The following ARIH1 variants were observed in gnomAD, a reference collection of about 807,000 sequenced individuals.
ARIH1 encodes E3 ubiquitin-protein ligase ARIH1.
In ARIH1, 8 loss-of-function variants were observed where a neutral mutation model predicts 85.0. That is an observed-to-expected ratio of 0.09 (90% CI 0.06 to 0.17). The LOEUF (loss-of-function observed/expected upper bound fraction) is 0.17. Ranked by LOEUF, ARIH1 falls within the 10% of genes least tolerant of loss-of-function variation. The pLI is 1.00. For synonymous variants in ARIH1, 238 were observed against 253.6 expected (o/e 0.94, Z 0.59); for missense variants, 311 against 718.1 (o/e 0.43, Z 6.48).
At chr15:72,496,137 C>G (rs1595852385) in intron 1 of ARIH1, among the ~76,000 whole-genome samples, 1 of 152,118 alleles carries the variant, frequency 6.6e-6, no homozygotes, top group Non-Finnish European at 1.5e-5. Context: ...CTCCTGGCTT[C>G]AGGCAGTCCT....
chr15:72,543,655 G>A (rs557143194), intron 2 of ARIH1, among the ~76,000 whole-genome samples: 2 of 152,190 alleles, frequency 1.3e-5, no homozygotes, highest in South Asian at 4.1e-4. Context: ...TTGACACAAA[G>A]CCTAAACAAG....
chr15:72,504,213 C>T (rs978328881), intron 1 of ARIH1, among the ~76,000 whole-genome samples: 3 of 152,166 alleles, frequency 2.0e-5, no homozygotes, highest in Non-Finnish European at 4.4e-5. Context: ...CGCCACCATG[C>T]CCCACTAATT....
intron 2 of ARIH1, among the ~76,000 whole-genome samples, chr15:72,538,624 C>T (rs1237687373): frequency 1.3e-5 from 2 of 152,214 alleles, no homozygotes; most frequent in African/African-American, 4.8e-5. Flanking sequence ...CCTCTCTCCT[C>T]AACCAGACAT....
chr15:72,498,582 C>T (rs879590351), intron 1 of ARIH1, among the ~76,000 whole-genome samples: 2 of 152,158 alleles, frequency 1.3e-5, no homozygotes, highest in African/African-American at 2.4e-5. Flanking sequence ...TGGTGGCTCA[C>T]GCCTGTGATC....
chr15:72,498,961 ATTTT>A (rs535261674), intron 1 of ARIH1, among the ~76,000 whole-genome samples: 9 of 88,422 alleles, frequency 1.0e-4, no homozygotes, highest in Non-Finnish European at 1.3e-4. Flanking sequence ...CTTTTCATAA[ATTTT>A]TTTTTTTTTT....
At chr15:72,478,810 T>C (rs116702175) in intron 1 of ARIH1, among the ~76,000 whole-genome samples, 3,656 of 152,238 alleles carry the variant, frequency 0.024, 138 homozygotes, top group African/African-American at 0.084. Context: ...GCAGCAGCTC[T>C]TAGGGGCACA....
At chr15:72,554,342 C>T (rs1272811815) in intron 3 of ARIH1, among the ~76,000 whole-genome samples, 2 of 152,036 alleles carry the variant, frequency 1.3e-5, no homozygotes, top group East Asian at 1.9e-4. Flanking sequence ...CAACAGTGTA[C>T]GAAGGCTCCA....
chr15:72,559,390 C>T (rs2064188348), intron 5 of ARIH1, among the ~76,000 whole-genome samples: 1 of 152,054 alleles, frequency 6.6e-6, no homozygotes, highest in Admixed American at 6.6e-5. Context: ...CTGCCTCAGC[C>T]TCCTGAGTAG....
intron 3 of ARIH1, among the ~76,000 whole-genome samples, chr15:72,549,359 A>G (rs981971660): frequency 6.6e-6 from 1 of 152,132 alleles, no homozygotes. Context: ...AAGTGCTGGG[A>G]TTACAGGAGT....
At chr15:72,524,680 C>G (rs1202461928) in intron 2 of ARIH1, among the ~76,000 whole-genome samples, 1 of 152,184 alleles carries the variant, frequency 6.6e-6, no homozygotes, top group Non-Finnish European at 1.5e-5. Flanking sequence ...TAAGTTCTGT[C>G]TCATAAACGT....
At chr15:72,555,701 C>T in intron 4 of ARIH1, 151 bp from the exon 5 acceptor site, 1 of 692,806 alleles carries the variant, frequency 1.4e-6, no homozygotes, top group Non-Finnish European at 2.5e-6. Context: ...GATAAACATA[C>T]TCTCACACAC....
At chr15:72,533,387 G>A (rs998507789) in intron 2 of ARIH1, among the ~76,000 whole-genome samples, 2 of 152,222 alleles carry the variant, frequency 1.3e-5, no homozygotes, top group Non-Finnish European at 2.9e-5. Flanking sequence ...GTCTTCAGAA[G>A]TGCTGGGATT....
chr15:72,553,655 C>T (rs1234844276), intron 3 of ARIH1, among the ~76,000 whole-genome samples: 1 of 152,168 alleles, frequency 6.6e-6, no homozygotes, highest in Non-Finnish European at 1.5e-5. Context: ...TACGGTGGCT[C>T]ACGCCTGTAA....
rs141264212 is a variant in ARIH1 at position 72,502,821 on chromosome 15, A to T, written c.376-15246A>T. Among the ~76,000 whole-genome samples, 564 of 152,028 alleles carry T rather than the reference A, an allele frequency of 3.7e-3. 4 individuals are homozygous for T. The Middle Eastern group carries it at 0.051, about 14-fold the overall frequency. On this transcript the variant is annotated intron_variant, in intron 1 of 13. Transcript: ENST00000379887. ...ACCCTGTCTTAAATAAAATAAAATTAAAAAAAAGAGTGATGAAGGTATGAC... is the reference window on the plus strand; with the variant it reads ...ACCCTGTCTTAAATAAAATAAAATTTAAAAAAAGAGTGATGAAGGTATGAC...
Position 72,479,098 on chromosome 15 carries a change from C to T in ARIH1, c.375+4084C>T, listed in dbSNP as rs554485172. ...TCAAGCGCTCCTTGAACCTCAGCCT[C>T]TCAAAATGGTAGGCCTGGAAATCCA... On this transcript the variant is annotated intron_variant, in intron 1 of 13. Coordinates refer to ENST00000379887, the MANE Select transcript of ARIH1 (RefSeq NM_005744.5). Among the ~76,000 whole-genome samples, 9 of 152,222 alleles carry T rather than the reference C, an allele frequency of 5.9e-5. No homozygotes were observed. In the East Asian group the frequency reaches 9.7e-4, roughly 16 times the overall value.
intron 2 of ARIH1, among the ~76,000 whole-genome samples, chr15:72,535,022 C>G (rs1385793367): frequency 7.8e-6 from 1 of 127,392 alleles, no homozygotes; most frequent in African/African-American, 2.5e-5. Context: ...GCAATCTCGG[C>G]TCACTGCAGG....
At chr15:72,484,072 C>G (rs2063827098) in intron 1 of ARIH1, among the ~76,000 whole-genome samples, 2 of 150,558 alleles carry the variant, frequency 1.3e-5, no homozygotes, top group Admixed American at 1.3e-4. Flanking sequence ...ACTCGGGAGG[C>G]TGAGGCAGGA....
chr15:72,546,657 G>C (rs1399931014), intron 3 of ARIH1, among the ~76,000 whole-genome samples: 1 of 149,912 alleles, frequency 6.7e-6, no homozygotes, highest in Non-Finnish European at 1.5e-5. Flanking sequence ...TGATTTTTCT[G>C]TGTGTGTGTG....
intron 1 of ARIH1, among the ~76,000 whole-genome samples, chr15:72,476,219 T>A (rs2063794456): frequency 6.6e-6 from 1 of 152,232 alleles, no homozygotes; most frequent in Non-Finnish European, 1.5e-5. Context: ...GTTTTAAAAA[T>A]TGAAGCATCT....
Sources: gnomAD v4.1 joint callset for allele counts (sites outside exome capture counted in the v4.1 genomes callset) on GRCh38, gnomAD v4.1.1 for gene constraint, MANE v1.5 for transcripts, NCBI Gene and HGNC (gene_info 2026-07-23, HGNC 2026-07-21) for gene names.